POLRMT: variants seen among roughly 807,000 people sequenced by gnomAD.
The protein encoded by POLRMT is DNA-directed RNA polymerase, mitochondrial.
POLRMT carries 114 observed loss-of-function variants against 132.2 expected under a neutral mutation model. The ratio of observed to expected loss-of-function variants is 0.86; its 90% CI spans 0.74 to 1.01. POLRMT has a LOEUF of 1.01. Ranked by LOEUF, POLRMT falls within the 50% of genes least tolerant of loss-of-function variation. The pLI, the probability that POLRMT is intolerant of heterozygous loss-of-function variation, is 0.00. For synonymous variants in POLRMT, 1,020 were observed against 773.4 expected, an observed-to-expected ratio of 1.32 and a Z score of -5.29; for missense variants, 2,003 against 1,729.1, an observed-to-expected ratio of 1.16 and a Z score of -2.81.
At chr19:620,895 G>A (rs1456694028) in intron 10 of POLRMT, among the ~76,000 whole-genome samples, 163 bp downstream of exon 10, 2 of 43,964 alleles carry the variant, frequency 4.5e-5, no homozygotes, top group Admixed American at 1.8e-4. Flanking sequence ...GGGCGCCAGG[G>A]GAGGGGGAGG....
At chr19:627,032 T>G (rs1029829618) in intron 3 of POLRMT, among the ~76,000 whole-genome samples, 4 of 151,808 alleles carry the variant, frequency 2.6e-5, no homozygotes, top group Non-Finnish European at 5.9e-5. Flanking sequence ...TGTAACAGAC[T>G]ATTCCAAAGG....
chr19:622,623 G>C lies in POLRMT; in HGVS notation c.1585C>G (p.His529Asp). The change falls in exon 8 of 21, where the codon CAC becomes GAC. Residue 529 changes from histidine to aspartate, a missense_variant. Transcript: ENST00000588649. ...VSGQVQALQN[H>D]YRKYLCLLAS... ...AGCAAGCAGAGGTACTTCCTGTAGT[G>C]GTTCTGCAGCGCCTGCACCTGGCCA... is the stretch of plus-strand genomic sequence containing the variant. The C allele has an allele frequency of 6.2e-7, 1 of 1,607,642 alleles. No individual in the cohort carries two copies. The highest frequency in any genetic ancestry group is 8.5e-7 in the Non-Finnish European group (1 of 1,178,480).
intron 2 of POLRMT, among the ~76,000 whole-genome samples, chr19:632,195 A>G (rs1985467816): frequency 6.6e-6 from 1 of 150,734 alleles, no homozygotes; most frequent in Non-Finnish European, 1.5e-5. Flanking sequence ...CGGCCACCCA[A>G]AAGTGCTGGG....
At chr19:631,563 C>T (rs533054492) in intron 2 of POLRMT, among the ~76,000 whole-genome samples, 3 of 151,752 alleles carry the variant, frequency 2.0e-5, no homozygotes, top group South Asian at 4.2e-4. Flanking sequence ...TGCTTGAACT[C>T]GGGAGGCGGA....
In POLRMT at chr19:622,869, G is replaced by C; in HGVS notation, c.1407C>G (p.Pro469=). The change falls in exon 7 of 21, where the codon CCC becomes CCG. Residue 469 remains proline (P), a synonymous_variant. Coordinates refer to ENST00000588649, the MANE Select transcript of POLRMT (RefSeq NM_005035.4). ...EVYEGRFSLY[P]FLCLLDEREV... is the part of the protein sequence containing the mutation. The stretch of plus-strand genomic sequence containing the variant: ...CGCGCTCGTCCAGCAGGCACAGGAA[G>C]GGGTAAAGTGAGAACCGGCCCTCGT... The C allele has an allele frequency of 6.2e-7, 1 of 1,609,254 alleles. No individual in the cohort carries two copies.
Position 617,234 on chromosome 19 carries a change from A to AAAAG in POLRMT, c.*36_*39dup. 1 of 1,609,592 alleles carries AAAAG rather than the reference A, an allele frequency of 6.2e-7. No homozygotes were observed. Among genetic ancestry groups the AAAAG allele is most frequent in the Non-Finnish European group, 8.5e-7 (1 of 1,177,956 alleles). On this transcript the variant is annotated 3_prime_UTR_variant, in exon 21 of 21. Coordinates refer to ENST00000588649, the MANE Select transcript of POLRMT (RefSeq NM_005035.4). Reference sequence around the variant, plus strand: ...GAAGACAGTGGCTCCTGGGGGTGGCAAAAGAGCTTTATTTACACACTGACA... The same window carrying AAAAG: ...GAAGACAGTGGCTCCTGGGGGTGGCAAAAGAAAGAGCTTTATTTACACACTGACA...
chr19:626,696 C>CAAAAAAAAAAAAAA (rs59746130), intron 3 of POLRMT, among the ~76,000 whole-genome samples: 1 of 105,046 alleles, frequency 9.5e-6, no homozygotes, highest in African/African-American at 4.3e-5. Flanking sequence ...ACTAAAAATA[C>CAAAAAAAAAAAAAA]AAAAAAAAAA....
At position 623,126 on chromosome 19, in the gene POLRMT, C is replaced by T. The variant is rs1463219830; in HGVS notation, c.1291-141G>A. 9.5e-6 allele frequency: 11 copies of T among 1,160,004 alleles called. No individual in the cohort carries two copies. The African/African-American group carries it at 1.2e-4, about 13-fold the overall frequency. 71.9% of individuals were successfully genotyped at this position (1,160,004 alleles called of 1,614,324 possible). On this transcript the variant is annotated intron_variant, in intron 6 of 20. Coordinates refer to ENST00000588649, the MANE Select transcript of POLRMT (RefSeq NM_005035.4). ...GTGTGTTCCGGGTAGCTCCTCACCCCGGCCTGCCCTCTGCCGGCTTCAGCG... is the reference window on the plus strand; with the variant it reads ...GTGTGTTCCGGGTAGCTCCTCACCCTGGCCTGCCCTCTGCCGGCTTCAGCG...
In POLRMT at chr19:624,751, T is replaced by C; in HGVS notation, c.1108A>G (p.Thr370Ala). Residue 370 changes from threonine (T) to alanine (A), a missense_variant, in exon 5 of 21, where the codon ACC (threonine) becomes GCC (alanine). Coordinates refer to ENST00000588649, the MANE Select transcript of POLRMT (RefSeq NM_005035.4). Reference sequence around the variant, plus strand: ...TACACGTCCCTGAGCAGCTTGGAGGTGTTGACCGGGGGCGGCAGCTGCGGC... The same window carrying C: ...TACACGTCCCTGAGCAGCTTGGAGGCGTTGACCGGGGGCGGCAGCTGCGGC... ...LPPQLPPPVN[T>A]SKLLRDVYAK... The C allele has an allele frequency of 6.2e-7, 1 of 1,613,716 alleles. No individual in the cohort carries two copies. Among genetic ancestry groups the C allele is most frequent in the Non-Finnish European group, 8.5e-7 (1 of 1,179,952 alleles).
chr19:618,566 T>C lies in POLRMT; in HGVS notation c.3344A>G (p.Gln1115Arg), dbSNP rs1223088368. Residue 1115 changes from glutamine to arginine, a missense_variant, in exon 17 of 21, where the codon CAG becomes CGG. Gln to Arg is a conservative substitution (Grantham distance 43). Coordinates refer to ENST00000588649, the MANE Select transcript of POLRMT (RefSeq NM_005035.4). ...DISRKPNTRK[Q>R]KNGFPPNFIH... Reference sequence around the variant, plus strand: ...GAAGTTGGGCGGGAAGCCGTTCTTCTGCTTACGTGTGTTGGGCTTTCTGAG... The same window carrying C: ...GAAGTTGGGCGGGAAGCCGTTCTTCCGCTTACGTGTGTTGGGCTTTCTGAG... 1 of 1,613,172 alleles carries C rather than the reference T, an allele frequency of 6.2e-7. No homozygotes were observed. Among genetic ancestry groups the C allele is most frequent in the Non-Finnish European group, 8.5e-7 (1 of 1,179,368 alleles).
At chr19:631,823 CCTCCA>C (rs1213656095) in intron 2 of POLRMT, among the ~76,000 whole-genome samples, 1 of 152,250 alleles carries the variant, frequency 6.6e-6, no homozygotes, top group East Asian at 1.9e-4. Context: ...CTCACCGCAA[CCTCCA>C]CCTTCCGGGT....
chr19:620,882 TG>T (rs1984487315), intron 10 of POLRMT, among the ~76,000 whole-genome samples, 175 bp downstream of exon 10: 1 of 48,486 alleles, frequency 2.1e-5, no homozygotes, highest in Non-Finnish European at 4.0e-5. Flanking sequence ...GCGGGGGACG[TG>T]GGGGCGCCAG....
rs1332753847 is a variant in POLRMT at position 621,627 on chromosome 19, C to T, written c.2071G>A (p.Ala691Thr). Reference sequence around the variant, plus strand: ...AGGGCGTCCAGTGCGCCATGCAGCGCGGTGGGCGGGCAGGTTTCCAGCAGC... The same window carrying T: ...AGGGCGTCCAGTGCGCCATGCAGCGTGGTGGGCGGGCAGGTTTCCAGCAGC... ...QELLETCPPT[A>T]LHGALDALTQ... The change falls in exon 10 of 21, where the codon GCG (alanine) becomes ACG (threonine). Residue 691 changes from alanine to threonine, a missense_variant. Physicochemically the swap from Ala to Thr is moderately conservative, Grantham distance 58. Transcript: ENST00000588649. 3.3e-6 allele frequency: 5 copies of T among 1,526,254 alleles called. No individual in the cohort carries two copies. Among genetic ancestry groups the T allele is most frequent in the Admixed American group, 2.0e-5 (1 of 49,550 alleles). The allele number at this position is 1,526,254 out of a possible 1,614,324, so 94.5% of individuals were successfully genotyped here. A position where few individuals can be genotyped will look rare whatever the true frequency, so the allele number is the denominator to read the frequency against.
In POLRMT at chr19:622,611, A is replaced by G; in HGVS notation, c.1597T>C (p.Tyr533His). The G allele has an allele frequency of 6.2e-7, 1 of 1,606,400 alleles. No homozygotes were observed. Among genetic ancestry groups the G allele is most frequent in the African/African-American group, 1.3e-5 (1 of 74,894 alleles). ...VQALQNHYRK[Y>H]LCLLASDAEV... ...GCGTCGGAGGCCAGCAAGCAGAGGT[A>G]CTTCCTGTAGTGGTTCTGCAGCGCC... The change falls in exon 8 of 21, where the codon TAC (tyrosine) becomes CAC (histidine). Residue 533 changes from tyrosine (Y) to histidine (H), a missense_variant. Transcript: ENST00000588649.
rs1344674195 is a variant in POLRMT at position 622,446 on chromosome 19, G to A, written c.1627-73C>T. The A allele has an allele frequency of 8.2e-6, 12 of 1,462,330 alleles. No homozygotes were observed. The South Asian group carries it at 8.3e-5, about 10-fold the overall frequency. The allele number at this position is 1,462,330 out of a possible 1,614,324, so 90.6% of individuals were successfully genotyped here. Reference sequence around the variant, plus strand: ...AGATGCCCCACCGCCCGTGCCTGACGCCCGGTGGGGCATCTGTCAGCCCAA... The same window carrying A: ...AGATGCCCCACCGCCCGTGCCTGACACCCGGTGGGGCATCTGTCAGCCCAA... On this transcript the variant is annotated intron_variant, in intron 8 of 20. Coordinates refer to ENST00000588649, the MANE Select transcript of POLRMT (RefSeq NM_005035.4).
At position 622,944 on chromosome 19, in the gene POLRMT, T is replaced by C. The variant is rs1351535890; in HGVS notation, c.1332A>G (p.Ala444=). 3 of 1,612,970 alleles carry C rather than the reference T, an allele frequency of 1.9e-6. No homozygotes were observed. Among genetic ancestry groups the C allele is most frequent in the South Asian group, 2.2e-5 (2 of 91,070 alleles). Residue 444 remains alanine (A), a synonymous_variant, in exon 7 of 21, where the codon GCA becomes GCG. Transcript: ENST00000588649. ...TGGTCTCCCGCAGCGCCCGGCACAG[T>C]GCTTTCTCCCATTGGTCCCGCAGGG... ...LKTLRDQWEK[A]LCRALRETKN...
At chr19:626,946 T>C (rs1985067844) in intron 3 of POLRMT, among the ~76,000 whole-genome samples, 1 of 151,126 alleles carries the variant, frequency 6.6e-6, no homozygotes, top group Non-Finnish European at 1.5e-5. Context: ...TTTTTTCTTG[T>C]ATTCATTTTT....
rs759041307 is a variant in POLRMT at position 621,068 on chromosome 19, T to C, written c.2630A>G (p.Gln877Arg). Residue 877 changes from glutamine to arginine, a missense_variant, in exon 10 of 21, where the codon CAA (glutamine) becomes CGA (arginine). Gln to Arg is a conservative substitution (Grantham distance 43). Transcript: ENST00000588649. ...GGGCCCCGCCCCTACCGTCAAGGGT[T>C]GGTCCGCGGAGTCCAGGATGTCATC... Reference protein sequence around the residue: ...VMDDILDSADQPLTGRKWWMG... With the variant: ...VMDDILDSADRPLTGRKWWMG... 2.5e-6 allele frequency: 4 copies of C among 1,596,784 alleles called. No homozygotes were observed. The highest frequency in any genetic ancestry group is 3.4e-5 in the Admixed American group (2 of 58,864).
At chr19:631,140 C>A (rs1179822530) in intron 2 of POLRMT, among the ~76,000 whole-genome samples, 1 of 150,668 alleles carries the variant, frequency 6.6e-6, no homozygotes, top group Non-Finnish European at 1.5e-5. Context: ...GCCTGGGCAA[C>A]AGAACAATAA....
Sources: allele counts gnomAD v4.1 joint callset (sites outside exome capture counted in the v4.1 genomes callset), GRCh38; gene constraint gnomAD v4.1.1; transcripts MANE v1.5; gene names NCBI Gene and HGNC (gene_info 2026-07-23, HGNC 2026-07-21).